OPCML: variants seen among roughly 807,000 people sequenced by gnomAD.
The protein encoded by OPCML is opioid-binding protein/cell adhesion molecule.
A neutral mutation model predicts 37.8 loss-of-function variants in OPCML; 13 were observed. The ratio of observed to expected loss-of-function variants is 0.34; its 90% CI spans 0.22 to 0.55. OPCML has a LOEUF of 0.55. Ranked by LOEUF, OPCML falls within the 20% of genes least tolerant of loss-of-function variation. The pLI is 0.91. For synonymous variants in OPCML, 176 were observed against 168.8 expected, an observed-to-expected ratio of 1.04 and a Z score of -0.33; for missense variants, 341 against 435.6, an observed-to-expected ratio of 0.78 and a Z score of 1.93.
chr11:132,434,602 T>C (rs1401567993), intron 7 of OPCML, among the ~76,000 whole-genome samples: 1 of 152,192 alleles, frequency 6.6e-6, no homozygotes, highest in African/African-American at 2.4e-5. Context: ...ACCTGTAAAA[T>C]GGGGTTAATA....
chr11:133,030,743 A>T (rs1243732244), intron 1 of OPCML, among the ~76,000 whole-genome samples: 1 of 152,174 alleles, frequency 6.6e-6, no homozygotes, highest in African/African-American at 2.4e-5. Flanking sequence ...CTATTTGGAG[A>T]TGATTTCAAT....
At chr11:132,539,950 G>GTGA (rs543337879) in intron 3 of OPCML, among the ~76,000 whole-genome samples, 11 of 151,950 alleles carry the variant, frequency 7.2e-5, no homozygotes, top group East Asian at 5.8e-4. Flanking sequence ...GATTGTGGTA[G>GTGA]TGATGATGAT....
chr11:133,439,295 T>G (rs1946308683), intron 1 of OPCML: 15 of 866,990 alleles, frequency 1.7e-5, no homozygotes, highest in Admixed American at 9.1e-5. Context: ...AAAAGATGTT[T>G]TTTTTTTTTT....
At chr11:132,621,757 A>G (rs1939422943) in intron 3 of OPCML, among the ~76,000 whole-genome samples, 1 of 152,116 alleles carries the variant, frequency 6.6e-6, no homozygotes, top group Non-Finnish European at 1.5e-5. Context: ...CCTTTTTTGC[A>G]TGTAGCTATG....
Position 133,174,564 on chromosome 11 carries a change from G to C in OPCML, c.62-231554C>G, listed in dbSNP as rs979702614. Among the ~76,000 whole-genome samples, 1 of 148,518 alleles carries C rather than the reference G, an allele frequency of 6.7e-6. No individual in the cohort carries two copies. Among genetic ancestry groups the C allele is most frequent in the African/African-American group, 2.5e-5 (1 of 40,170 alleles). Reference sequence around the variant, plus strand: ...CTGCATACCCAAAAATAGTCGAAAAGAGTTGTACTCTATCTATACAGTAAG... The same window carrying C: ...CTGCATACCCAAAAATAGTCGAAAACAGTTGTACTCTATCTATACAGTAAG... On this transcript the variant is annotated intron_variant, in intron 1 of 7. Coordinates refer to ENST00000524381, the MANE Select transcript of OPCML (RefSeq NM_001012393.5). This position sits in a 1 kb window ranked among gnomAD's most constrained non-coding sequence, Gnocchi z 4.6.
At chr11:132,903,165 G>T (rs557883176) in intron 2 of OPCML, among the ~76,000 whole-genome samples, 69 of 152,022 alleles carry the variant, frequency 4.5e-4, no homozygotes, top group African/African-American at 1.7e-3. Flanking sequence ...TGATAAATTT[G>T]TTATGGCATT....
chr11:132,673,341 A>T (rs1382490996), intron 2 of OPCML, among the ~76,000 whole-genome samples: 1 of 152,146 alleles, frequency 6.6e-6, no homozygotes, highest in East Asian at 1.9e-4. Flanking sequence ...AGAAAAATAG[A>T]TCACAGAGAG....
chr11:132,910,111 A>G (rs1015147671), intron 2 of OPCML, among the ~76,000 whole-genome samples: 6 of 152,206 alleles, frequency 3.9e-5, no homozygotes, highest in South Asian at 2.1e-4. Flanking sequence ...AAATCCTGGT[A>G]CAGAAGGCAC....
intron 2 of OPCML, among the ~76,000 whole-genome samples, chr11:132,714,981 G>A (rs1944414065): frequency 6.6e-6 from 1 of 152,126 alleles, no homozygotes; most frequent in African/African-American, 2.4e-5. Flanking sequence ...GAAAGGCAGA[G>A]GTTTCAATCC....
At chr11:132,652,721 C>A (rs1941492704) in intron 3 of OPCML, among the ~76,000 whole-genome samples, 1 of 152,222 alleles carries the variant, frequency 6.6e-6, no homozygotes, top group Admixed American at 6.5e-5. Flanking sequence ...TTAGAACAAT[C>A]TCTTAGCTTG....
chr11:132,640,143 T>C (rs556219674), intron 3 of OPCML, among the ~76,000 whole-genome samples: 30 of 152,134 alleles, frequency 2.0e-4, no homozygotes, highest in South Asian at 4.2e-4. Flanking sequence ...TCCACAGACT[T>C]CCACAGCAAG....
intron 1 of OPCML, among the ~76,000 whole-genome samples, chr11:133,296,664 G>A (rs201640689): frequency 6.6e-6 from 1 of 152,178 alleles, no homozygotes; most frequent in African/African-American, 2.4e-5. Context: ...TGTAATTCGG[G>A]AACAAGGCAG....
chr11:132,672,060 C>T (rs1942500240), intron 2 of OPCML, among the ~76,000 whole-genome samples: 1 of 152,150 alleles, frequency 6.6e-6, no homozygotes, highest in Admixed American at 6.5e-5. Flanking sequence ...CTCAACAGAT[C>T]TGCTGTCTGT....
chr11:132,769,603 G>A (rs1299567980), intron 2 of OPCML, among the ~76,000 whole-genome samples: 2 of 152,160 alleles, frequency 1.3e-5, no homozygotes, highest in African/African-American at 2.4e-5. Context: ...CAAAGTAGAC[G>A]CTGCCTTTGG....
At chr11:133,231,640 T>C (rs968599974) in intron 1 of OPCML, among the ~76,000 whole-genome samples, 4 of 152,254 alleles carry the variant, frequency 2.6e-5, no homozygotes, top group Admixed American at 2.0e-4. Flanking sequence ...CAAGCAGTAA[T>C]TGAGACCTTA....
chr11:133,454,460 A>T (rs75947044), intron 1 of OPCML, among the ~76,000 whole-genome samples: 2,464 of 152,306 alleles, frequency 0.016, 58 homozygotes, highest in South Asian at 0.086. Flanking sequence ...AGTGCTTAGA[A>T]TATTGGAAAA....
chr11:132,595,973 G>C (rs1189831345), intron 3 of OPCML, among the ~76,000 whole-genome samples: 1 of 152,154 alleles, frequency 6.6e-6, no homozygotes, highest in Non-Finnish European at 1.5e-5. Context: ...CAATTTCAAT[G>C]AGTAAGTGAT....
chr11:133,412,684 G>A (rs928038072), intron 1 of OPCML, among the ~76,000 whole-genome samples: 6 of 152,150 alleles, frequency 3.9e-5, no homozygotes, highest in African/African-American at 1.4e-4. Flanking sequence ...CTTTTCCACT[G>A]TAGTCTGTTG....
intron 1 of OPCML, among the ~76,000 whole-genome samples, chr11:133,120,909 C>G (rs1280860788): frequency 6.6e-6 from 1 of 152,112 alleles, no homozygotes; most frequent in African/African-American, 2.4e-5. Context: ...TACGGTAATT[C>G]ACTAAACACC....
Sources: allele counts gnomAD v4.1 joint callset (sites outside exome capture counted in the v4.1 genomes callset), GRCh38; gene constraint gnomAD v4.1.1; non-coding constraint Gnocchi (gnomAD v3.1); transcripts MANE v1.5; gene names NCBI Gene and HGNC (gene_info 2026-07-23, HGNC 2026-07-21).